FBXL17: variants seen among roughly 807,000 people sequenced by gnomAD.
The protein encoded by FBXL17 is F-box/LRR-repeat protein 17.
Under a neutral mutation model 66.2 loss-of-function variants are expected in FBXL17, and 22 were observed. The observed-to-expected ratio is 0.33, with a 90% CI of 0.24 to 0.47. The LOEUF (loss-of-function observed/expected upper bound fraction) is 0.47. Among genes scored for constraint, FBXL17 ranks in the 20% least tolerant of loss-of-function variants. The pLI, the probability that FBXL17 is intolerant of heterozygous loss-of-function variation, is 1.00. For missense variants in FBXL17, 878 were observed against 948.2 expected, an observed-to-expected ratio of 0.93 and a Z score of 0.97; for synonymous variants, 474 against 400.5, an observed-to-expected ratio of 1.18 and a Z score of -2.19.
At chr5:107,889,377 T>C (rs960326053) in intron 7 of FBXL17, among the ~76,000 whole-genome samples, 3 of 152,198 alleles carry the variant, frequency 2.0e-5, no homozygotes, top group African/African-American at 7.2e-5. Context: ...TGGAGCACTT[T>C]TTATTTAGAA....
rs192945199 is a variant in FBXL17 at position 108,055,076 on chromosome 5, G to T, written c.1746-34075C>A. ...TAATAATGTCATTTGAATTCCAAGGGTTTTTAAAAATTTTTCATCTTCAAT... is the reference window on the plus strand; with the variant it reads ...TAATAATGTCATTTGAATTCCAAGGTTTTTTAAAAATTTTTCATCTTCAAT... On this transcript the variant is annotated intron_variant, in intron 6 of 8. Transcript: ENST00000542267. Among the ~76,000 whole-genome samples, 16 of 151,782 alleles carry T rather than the reference G, an allele frequency of 1.1e-4. No individual in the cohort carries two copies. In the East Asian group the frequency reaches 1.7e-3, roughly 17 times the overall value.
intron 7 of FBXL17, among the ~76,000 whole-genome samples, chr5:107,998,351 T>C (rs968695005): frequency 6.6e-5 from 10 of 152,164 alleles, no homozygotes; most frequent in African/African-American, 2.4e-4. Context: ...TGACAATACA[T>C]AGCAATTACT....
At chr5:107,893,970 A>C (rs1032175599) in intron 7 of FBXL17, among the ~76,000 whole-genome samples, 5 of 152,216 alleles carry the variant, frequency 3.3e-5, no homozygotes, top group African/African-American at 1.2e-4. Flanking sequence ...GGGAATTTGG[A>C]CATAACATTA....
In FBXL17 at chr5:108,381,302, A is replaced by AGCGGCG. The variant is rs754351405; in HGVS notation, c.384_389dup (p.Ala131_Ala132dup). 58 of 1,401,050 alleles carry AGCGGCG rather than the reference A, an allele frequency of 4.1e-5. No individual in the cohort carries two copies. The highest frequency in any genetic ancestry group is 1.2e-4 in the Admixed American group (4 of 32,200). The allele number at this position is 1,401,050 out of a possible 1,614,324, so 86.8% of individuals were successfully genotyped here. A position where few individuals can be genotyped will look rare whatever the true frequency, so the allele number is the denominator to read the frequency against. ...AGGCGGGCGACGAAGCCGAGGCGGC[A>AGCGGCG]GCGGCGGCGGCGGCGGCGGCCGAGG... On this transcript the variant is annotated inframe_insertion, in exon 1 of 9. Transcript: ENST00000542267.
chr5:108,126,637 C>CTG (rs1437384095), intron 6 of FBXL17, among the ~76,000 whole-genome samples: 98 of 67,540 alleles, frequency 1.5e-3, no homozygotes, highest in Admixed American at 2.0e-3. Context: ...CTCTGTCTCT[C>CTG]TCTCTCTCTC....
chr5:108,302,922 G>A (rs1758658022), intron 4 of FBXL17, among the ~76,000 whole-genome samples: 1 of 151,710 alleles, frequency 6.6e-6, no homozygotes, highest in South Asian at 2.1e-4. Flanking sequence ...ATTCAATACA[G>A]AAAGGCAATT....
intron 7 of FBXL17, among the ~76,000 whole-genome samples, chr5:107,955,682 T>G: frequency 6.6e-6 from 1 of 152,212 alleles, no homozygotes; most frequent in Non-Finnish European, 1.5e-5. Flanking sequence ...AACTAAAAAT[T>G]TGTCTCATAA....
intron 5 of FBXL17, among the ~76,000 whole-genome samples, chr5:108,214,636 C>T (rs900153313): frequency 6.6e-6 from 1 of 152,066 alleles, no homozygotes. Flanking sequence ...TCCCAAACTG[C>T]TGGGATTACA....
Position 107,935,399 on chromosome 5 carries a change from T to TTA in FBXL17, c.1823-54222_1823-54221dup, listed in dbSNP as rs1208087059. 2.7e-4 allele frequency among the ~76,000 whole-genome samples: 40 copies of TTA among 148,226 alleles called. No homozygotes were observed. The East Asian group carries it at 4.1e-3, about 15-fold the overall frequency. Reference sequence around the variant, plus strand: ...CTTTAAACAAAAGAGGCATCTCTCTTTATATATATATATGTGTGTGTGTGT... The same window carrying TTA: ...CTTTAAACAAAAGAGGCATCTCTCTTTATATATATATATATGTGTGTGTGTGT... On this transcript the variant is annotated intron_variant, in intron 7 of 8. Transcript: ENST00000542267.
At chr5:108,214,435 T>C (rs1754512399) in intron 5 of FBXL17, among the ~76,000 whole-genome samples, 1 of 151,488 alleles carries the variant, frequency 6.6e-6, no homozygotes, top group Non-Finnish European at 1.5e-5. Context: ...TGGCTCAATC[T>C]TGGCTCACTG....
chr5:108,213,659 A>G (rs1754474074), intron 5 of FBXL17, among the ~76,000 whole-genome samples: 1 of 152,174 alleles, frequency 6.6e-6, no homozygotes, highest in Non-Finnish European at 1.5e-5. Flanking sequence ...CGGGTACCTC[A>G]GTTGGAAATG....
chr5:108,260,175 ATTGGACAGGAGAGGACTAGTTGTTAATG>A (rs1756753136), intron 4 of FBXL17, among the ~76,000 whole-genome samples: 1 of 152,114 alleles, frequency 6.6e-6, no homozygotes, highest in South Asian at 2.1e-4. Flanking sequence ...CGGCATGGGC[ATTGGACAGGAGAGGACTAGTTGTTAATG>A]TCAGCATTAA....
rs139453355 is a variant in FBXL17, at chr5:107,984,337, T to C, written c.1822+36588A>G. The stretch of plus-strand genomic sequence containing the variant: ...TTTGTAACATAAATTGTACTTCATT[T>C]TTACAAAATTCATACAGAGTATATT... On this transcript the variant is annotated intron_variant, in intron 7 of 8. Transcript: ENST00000542267. Among the ~76,000 whole-genome samples the C allele has an allele frequency of 1.3e-3, 199 of 152,308 alleles. 3 individuals are homozygous for C. Among genetic ancestry groups the C allele is most frequent in the Admixed American group, 0.012 (183 of 15,298 alleles).
chr5:108,099,577 AG>A (rs932022846), intron 6 of FBXL17, among the ~76,000 whole-genome samples: 21 of 152,320 alleles, frequency 1.4e-4, no homozygotes, highest in African/African-American at 5.1e-4. Context: ...AGAAGGGACT[AG>A]GAAGATGAAG....
chr5:108,334,923 G>A (rs946653296), intron 4 of FBXL17, among the ~76,000 whole-genome samples: 3 of 152,060 alleles, frequency 2.0e-5, no homozygotes, highest in African/African-American at 7.2e-5. Context: ...GTCTGAAAAT[G>A]GAAAAGTCCC....
intron 6 of FBXL17, among the ~76,000 whole-genome samples, chr5:108,151,269 A>G (rs1363148292): frequency 1.3e-5 from 2 of 152,192 alleles, no homozygotes; most frequent in Non-Finnish European, 2.9e-5. Context: ...AAGAAAGAAA[A>G]AAGTCATCCA....
intron 7 of FBXL17, among the ~76,000 whole-genome samples, chr5:107,974,574 A>G (rs1173383204): frequency 6.6e-6 from 1 of 152,188 alleles, no homozygotes; most frequent in Non-Finnish European, 1.5e-5. Context: ...ACCTAGAGAC[A>G]ATTAACAGCA....
chr5:108,169,579 G>A (rs1305950368), intron 6 of FBXL17, among the ~76,000 whole-genome samples: 2 of 151,988 alleles, frequency 1.3e-5, no homozygotes, highest in Admixed American at 6.6e-5. Flanking sequence ...TTTAAATCTA[G>A]TAAGGTTAAC....
chr5:107,921,940 T>C (rs1333996617), intron 7 of FBXL17, among the ~76,000 whole-genome samples: 1 of 152,198 alleles, frequency 6.6e-6, no homozygotes, highest in African/African-American at 2.4e-5. Flanking sequence ...GAAACGTGGA[T>C]ACCAAAGCTA....
Sources: gnomAD v4.1 joint callset for allele counts (sites outside exome capture counted in the v4.1 genomes callset) on GRCh38, gnomAD v4.1.1 for gene constraint, MANE v1.5 for transcripts, NCBI Gene and HGNC (gene_info 2026-07-23, HGNC 2026-07-21) for gene names.